The following TBC1D3K variants were observed in gnomAD, a reference collection of about 807,000 sequenced individuals.
The protein encoded by TBC1D3K is TBC1 domain family member 3K.
intron 7 of TBC1D3K, among the ~76,000 whole-genome samples, chr17:37,930,249 T>C (rs1369895312): frequency 6.3e-4 from 62 of 98,674 alleles, no homozygotes; most frequent in African/African-American, 1.7e-3. Flanking sequence ...GGCAAGTCAC[T>C]GTACAACTGG....
intron 7 of TBC1D3K, among the ~76,000 whole-genome samples, chr17:37,929,536 C>A: frequency 9.1e-6 from 1 of 110,304 alleles, no homozygotes; most frequent in African/African-American, 3.3e-5. Flanking sequence ...GAGCCCCCCC[C>A]AGGCAACAGT....
At chr17:37,924,403 G>A (rs1400769737), upstream of TBC1D3K, 3 of 137,454 alleles carry the variant, frequency 2.2e-5, no homozygotes, top group African/African-American at 8.5e-5. Flanking sequence ...TGTGATTCGT[G>A]CCATGACCTC....
chr17:37,930,192 T>G, intron 7 of TBC1D3K, among the ~76,000 whole-genome samples: 1 of 96,506 alleles, frequency 1.0e-5, no homozygotes, highest in African/African-American at 2.9e-5. Flanking sequence ...CTGGCGTGTG[T>G]GCAAACTGAA....
At chr17:37,923,542 C>CAAT (rs2035586125), upstream of TBC1D3K, among the ~76,000 whole-genome samples, 1 of 48,976 alleles carries the variant, frequency 2.0e-5, no homozygotes, top group African/African-American at 6.0e-5. Flanking sequence ...TGCACATGTT[C>CAAT]AATAGAAACA....
exon 1 of TBC1D3K, chr17:37,924,470 A>T (rs1446291346): frequency 5.3e-5 from 7 of 133,322 alleles, no homozygotes; most frequent in Admixed American, 5.2e-4. Context: ...AGTGGTCTAC[A>T]GCAGTTACAC....
chr17:37,930,731 T>G, intron 8 of TBC1D3K, among the ~76,000 whole-genome samples: 1 of 67,814 alleles, frequency 1.5e-5, no homozygotes. Context: ...CACCTGGGCC[T>G]GACCACCACT....
intron 7 of TBC1D3K, among the ~76,000 whole-genome samples, chr17:37,930,229 A>C (rs1703582259): frequency 2.8e-5 from 3 of 107,814 alleles, no homozygotes; most frequent in African/African-American, 8.0e-5. Context: ...ATTCAGAGTG[A>C]AAAGGATCAG....
intron 10 of TBC1D3K, 124 bp downstream of exon 10, chr17:37,932,094 G>GGACGTC (rs2035632207): frequency 1.2e-4 from 5 of 41,378 alleles, no homozygotes; most frequent in East Asian, 9.2e-4. Context: ...GCCTGACCTG[G>GGACGTC]GACGTCGGGT....
chr17:37,924,630 GCGGTGTT>G (rs2035601547), intron 1 of TBC1D3K, 60 bp downstream of exon 1: 1 of 88,500 alleles, frequency 1.1e-5, no homozygotes, highest in African/African-American at 4.5e-5. Context: ...TACGGTGCGG[GCGGTGTT>G]GGCCTCTGTG....
exon 1 of TBC1D3K, chr17:37,924,502 C>T (rs2035599367): frequency 2.3e-5 from 3 of 129,534 alleles, no homozygotes; most frequent in Admixed American, 2.3e-4. Context: ...TATCTGTGAG[C>T]AGCTCTGTGG....
upstream of TBC1D3K, among the ~76,000 whole-genome samples, chr17:37,924,057 CT>C (rs1277644725): frequency 1.9e-5 from 1 of 51,992 alleles, no homozygotes; most frequent in Non-Finnish European, 4.4e-5. Flanking sequence ...ATAGTACTAG[CT>C]TTTGTATTCT....
At chr17:37,930,186 C>A (rs1416989313) in intron 7 of TBC1D3K, among the ~76,000 whole-genome samples, 1 of 94,234 alleles carries the variant, frequency 1.1e-5, no homozygotes, top group African/African-American at 3.0e-5. Context: ...ACTGAACTGG[C>A]GTGTGTGCAA....
Sources: gnomAD v4.1 joint callset for allele counts (sites outside exome capture counted in the v4.1 genomes callset) on GRCh38, gnomAD v4.1.1 for gene constraint, MANE v1.5 for transcripts, NCBI Gene and HGNC (gene_info 2026-07-23, HGNC 2026-07-21) for gene names.